The following RBMS3 variants were observed in gnomAD, a reference collection of about 807,000 sequenced individuals.
The protein encoded by RBMS3 is RNA-binding motif, single-stranded-interacting protein 3.
Under a neutral mutation model 66.8 loss-of-function variants are expected in RBMS3, and 27 were observed. That is an observed-to-expected ratio of 0.40 (90% CI 0.30 to 0.56). RBMS3 has a LOEUF of 0.56. Among genes scored for constraint, RBMS3 ranks in the 20% least tolerant of loss-of-function variants. The pLI is 0.40. For synonymous variants in RBMS3, 188 were observed against 183.0 expected (o/e 1.03, Z -0.22); for missense variants, 513 against 549.5 (o/e 0.93, Z 0.66).
intron 11 of RBMS3, among the ~76,000 whole-genome samples, chr3:29,937,151 C>T (rs537046462): frequency 2.7e-4 from 41 of 152,080 alleles, no homozygotes; most frequent in East Asian, 1.2e-3. Flanking sequence ...ATAAAACTTG[C>T]GTAAGCCCTG....
chr3:29,441,156 G>A (rs1296167844), intron 2 of RBMS3, among the ~76,000 whole-genome samples: 1 of 152,126 alleles, frequency 6.6e-6, no homozygotes, highest in African/African-American at 2.4e-5. Flanking sequence ...GTGAATACTG[G>A]AATCTTTAAA....
chr3:29,335,632 G>A (rs2035901463), intron 1 of RBMS3, among the ~76,000 whole-genome samples: 1 of 152,188 alleles, frequency 6.6e-6, no homozygotes. Context: ...TATTTGGTAT[G>A]TGGGAGAAAC....
intron 4 of RBMS3, among the ~76,000 whole-genome samples, chr3:29,601,527 A>G (rs1006532645): frequency 1.3e-5 from 2 of 150,424 alleles, no homozygotes; most frequent in Non-Finnish European, 3.0e-5. Context: ...TGATGAAGTG[A>G]TATGCCAAGG....
chr3:29,350,998 A>T (rs1318674805), intron 1 of RBMS3, among the ~76,000 whole-genome samples: 1 of 151,844 alleles, frequency 6.6e-6, no homozygotes, highest in Non-Finnish European at 1.5e-5. Flanking sequence ...AGAAAATATT[A>T]TGTGTATATA....
At chr3:29,821,600 T>A (rs1035924716) in intron 6 of RBMS3, among the ~76,000 whole-genome samples, 2 of 152,174 alleles carry the variant, frequency 1.3e-5, no homozygotes, top group African/African-American at 4.8e-5. Context: ...AAACTACCTG[T>A]GAGGAACTAC....
chr3:29,790,070 A>G (rs908263931), intron 6 of RBMS3, among the ~76,000 whole-genome samples: 2 of 152,174 alleles, frequency 1.3e-5, no homozygotes, highest in African/African-American at 4.8e-5. Flanking sequence ...ATTTTAGCTA[A>G]GACAATCCAA....
rs1577375666 is a variant in RBMS3, at chr3:30,010,150, A to G, written c.*6288A>G. 1 of 151,882 alleles carries G rather than the reference A, an allele frequency of 6.6e-6. No homozygotes were observed. The highest frequency in any genetic ancestry group is 1.9e-4 in the East Asian group (1 of 5,192). The allele number at this position is 151,882 out of a possible 1,614,324, so 9.4% of individuals were successfully genotyped here. On this transcript the variant is annotated 3_prime_UTR_variant, in exon 15 of 15. Transcript: ENST00000383767. The stretch of plus-strand genomic sequence containing the variant: ...TTCAACTTCATGGAACTTCTGAAAC[A>G]TCATTCAATTTTGAACTTTATTTAA...
intron 4 of RBMS3, among the ~76,000 whole-genome samples, chr3:29,638,917 AT>A (rs1278421109): frequency 2.0e-5 from 3 of 151,838 alleles, no homozygotes; most frequent in Admixed American, 1.3e-4. Context: ...TTAAGACTAC[AT>A]TTTTTATTTG....
rs368599522 is a variant in RBMS3 at position 29,942,225 on chromosome 3, A to C, written c.1051-1982A>C. Among the ~76,000 whole-genome samples the C allele has an allele frequency of 3.1e-4, 47 of 151,938 alleles. No homozygotes were observed. The East Asian group carries it at 7.8e-3, about 25-fold the overall frequency. On this transcript the variant is annotated intron_variant, in intron 11 of 14. Coordinates refer to ENST00000383767, the MANE Select transcript of RBMS3 (RefSeq NM_001003793.3). ...TTTATTTATAATGTCAAATTTGAAA[A>C]AATGGAAGTAAGGCAGGCTGTAGTG...
At chr3:29,679,663 G>A (rs1460717823) in intron 4 of RBMS3, among the ~76,000 whole-genome samples, 2 of 151,490 alleles carry the variant, frequency 1.3e-5, no homozygotes, top group Non-Finnish European at 2.9e-5. Flanking sequence ...TACTCCTTTG[G>A]AATTTTAGTT....
intron 4 of RBMS3, among the ~76,000 whole-genome samples, chr3:29,679,838 G>A (rs973541454): frequency 6.6e-6 from 1 of 151,146 alleles, no homozygotes; most frequent in African/African-American, 2.5e-5. Context: ...CACCCCATCA[G>A]CATTAATAAA....
At chr3:29,621,558 C>A (rs975630102) in intron 4 of RBMS3, among the ~76,000 whole-genome samples, 1 of 152,056 alleles carries the variant, frequency 6.6e-6, no homozygotes, top group Non-Finnish European at 1.5e-5. Context: ...TTGTATTAAA[C>A]CTTTCAATAA....
chr3:29,837,845 A>G (rs1426999513), intron 6 of RBMS3, among the ~76,000 whole-genome samples: 1 of 150,992 alleles, frequency 6.6e-6, no homozygotes, highest in Admixed American at 6.6e-5. Context: ...ATACTTCCAG[A>G]GTTCTTCTAA....
At chr3:29,418,226 G>T (rs1160339249) in intron 1 of RBMS3, among the ~76,000 whole-genome samples, 2 of 152,098 alleles carry the variant, frequency 1.3e-5, no homozygotes, top group Non-Finnish European at 2.9e-5. Flanking sequence ...ACTAGGTCAT[G>T]CCATTCTCAG....
At chr3:29,377,480 A>G (rs1484663084) in intron 1 of RBMS3, among the ~76,000 whole-genome samples, 1 of 152,188 alleles carries the variant, frequency 6.6e-6, no homozygotes, top group Admixed American at 6.5e-5. Flanking sequence ...TCTTTCCCTT[A>G]TGACCCCGCT....
At chr3:29,543,817 A>C (rs1241694437) in intron 3 of RBMS3, among the ~76,000 whole-genome samples, 2 of 152,330 alleles carry the variant, frequency 1.3e-5, no homozygotes, top group Admixed American at 6.5e-5. Flanking sequence ...ATCCTGAAGG[A>C]ACTATAAGGT....
intron 4 of RBMS3, among the ~76,000 whole-genome samples, chr3:29,661,372 T>C (rs1261769989): frequency 6.6e-6 from 1 of 152,208 alleles, no homozygotes; most frequent in Non-Finnish European, 1.5e-5. Context: ...GCATTATTAT[T>C]TCTCAATATG....
intron 12 of RBMS3, among the ~76,000 whole-genome samples, chr3:29,985,208 A>C (rs1348176393): frequency 1.3e-5 from 2 of 152,326 alleles, no homozygotes; most frequent in East Asian, 3.9e-4. Context: ...CTCAAGCCTC[A>C]GTAAGGGCAG....
intron 1 of RBMS3, among the ~76,000 whole-genome samples, chr3:29,388,789 C>T (rs1369326986): frequency 1.3e-5 from 2 of 152,174 alleles, no homozygotes; most frequent in African/African-American, 4.8e-5. Context: ...TGGTCTCAAT[C>T]TCCTGACCTC....
Sources: gnomAD v4.1 joint callset for allele counts (sites outside exome capture counted in the v4.1 genomes callset) on GRCh38, gnomAD v4.1.1 for gene constraint, MANE v1.5 for transcripts, NCBI Gene and HGNC (gene_info 2026-07-23, HGNC 2026-07-21) for gene names.